Variants in SUCLG2 observed in about 807,000 individuals in gnomAD.
The protein encoded by SUCLG2 is succinate--CoA ligase [GDP-forming] subunit beta, mitochondrial.
A neutral mutation model predicts 47.9 loss-of-function variants in SUCLG2; 42 were observed. The observed-to-expected ratio is 0.88, with a 90% CI of 0.69 to 1.14. The LOEUF is 1.14. SUCLG2 is among the 50% of genes most tolerant of loss of function. The pLI is 0.00. For synonymous variants in SUCLG2, 195 were observed against 197.3 expected (o/e 0.99, Z 0.10); for missense variants, 571 against 525.9 (o/e 1.09, Z -0.84).
At position 67,586,951 on chromosome 3, in the gene SUCLG2, A is replaced by C. The variant is rs188940242; in HGVS notation, c.226+22504T>G. Reference sequence around the variant, plus strand: ...GACTATCCTCCTCCTGCTCCTCCTCATCATCATCATCACTATCAGACAGCC... The same window carrying C: ...GACTATCCTCCTCCTGCTCCTCCTCCTCATCATCATCACTATCAGACAGCC... On this transcript the variant is annotated intron_variant, in intron 2 of 10. Coordinates refer to ENST00000307227, the MANE Select transcript of SUCLG2 (RefSeq NM_003848.4). Among the ~76,000 whole-genome samples, 627 of 152,182 alleles carry C rather than the reference A, an allele frequency of 4.1e-3. 2 individuals are homozygous for C. Among genetic ancestry groups the C allele is most frequent in the African/African-American group, 0.014 (572 of 41,530 alleles).
intron 9 of SUCLG2, among the ~76,000 whole-genome samples, chr3:67,411,039 T>A (rs187020927): frequency 8.5e-5 from 13 of 152,234 alleles, no homozygotes; most frequent in Non-Finnish European, 1.6e-4. Flanking sequence ...TGTTGGAGAG[T>A]TAATATAGAG....
chr3:67,517,888 T>G (rs1705988255), intron 6 of SUCLG2, among the ~76,000 whole-genome samples: 1 of 152,190 alleles, frequency 6.6e-6, no homozygotes, highest in Non-Finnish European at 1.5e-5. Flanking sequence ...TTGTCATCAT[T>G]CCCATTTTAT....
chr3:67,565,751 G>C (rs1211299323), intron 2 of SUCLG2, among the ~76,000 whole-genome samples: 1 of 152,122 alleles, frequency 6.6e-6, no homozygotes, highest in African/African-American at 2.4e-5. Context: ...CATTCACAAC[G>C]TATCCCTAGC....
chr3:67,592,897 C>T (rs1708203228), intron 2 of SUCLG2, among the ~76,000 whole-genome samples: 1 of 152,106 alleles, frequency 6.6e-6, no homozygotes, highest in Non-Finnish European at 1.5e-5. Flanking sequence ...TGGGTTAGGC[C>T]TTGACAAATC....
chr3:67,560,378 T>A (rs1707277182), intron 2 of SUCLG2, among the ~76,000 whole-genome samples: 1 of 152,196 alleles, frequency 6.6e-6, no homozygotes, highest in African/African-American at 2.4e-5. Flanking sequence ...CAATTTCTGT[T>A]GTTCAGGTCA....
chr3:67,446,568 T>C (rs1460017868), intron 9 of SUCLG2, among the ~76,000 whole-genome samples: 1 of 151,268 alleles, frequency 6.6e-6, no homozygotes, highest in Non-Finnish European at 1.5e-5. Flanking sequence ...TAGCTGGGAC[T>C]ACAGGCGCCT....
chr3:67,452,679 T>G (rs1319038375), intron 9 of SUCLG2, among the ~76,000 whole-genome samples: 3 of 152,164 alleles, frequency 2.0e-5, no homozygotes, highest in Non-Finnish European at 4.4e-5. Flanking sequence ...CTCTCAAATA[T>G]TTATTGAGCA....
rs1703632684 is a variant in SUCLG2, at chr3:67,436,698, T to C, written c.1063-35847A>G. ...CAAGTGTTAGGTAAAAATTTACCAG[T>C]ATTTTTGTATAAACATCTCATTTAG... On this transcript the variant is annotated intron_variant, in intron 9 of 10. Coordinates refer to ENST00000307227, the MANE Select transcript of SUCLG2 (RefSeq NM_003848.4). Among the ~76,000 whole-genome samples, 6 of 152,328 alleles carry C rather than the reference T, an allele frequency of 3.9e-5. No individual in the cohort carries two copies. In the South Asian group the frequency reaches 1.0e-3, roughly 26 times the overall value.
rs189332110 is a variant in SUCLG2, at chr3:67,393,327, G to A, written c.1183+7404C>T. Reference sequence around the variant, plus strand: ...CGGGTCACTCCCACCCGAATACTGCGCTTTTCCGACGGGCTTAAAAAACGG... The same window carrying A: ...CGGGTCACTCCCACCCGAATACTGCACTTTTCCGACGGGCTTAAAAAACGG... On this transcript the variant is annotated intron_variant, in intron 10 of 10. Coordinates refer to ENST00000307227, the MANE Select transcript of SUCLG2 (RefSeq NM_003848.4). 8.5e-3 allele frequency among the ~76,000 whole-genome samples: 1,268 copies of A among 148,502 alleles called. 16 individuals are homozygous for A. The highest frequency in any genetic ancestry group is 0.03 in the African/African-American group (1,204 of 40,648).
At chr3:67,364,575 A>G (rs1701851426) in intron 10 of SUCLG2, among the ~76,000 whole-genome samples, 1 of 152,184 alleles carries the variant, frequency 6.6e-6, no homozygotes, top group Middle Eastern at 3.4e-3. Flanking sequence ...GTGCCCACCC[A>G]CCCAGGAGTG....
chr3:67,546,033 C>T lies in SUCLG2; in HGVS notation c.227-16847G>A, dbSNP rs370208175. Among the ~76,000 whole-genome samples, 18 of 152,224 alleles carry T rather than the reference C, an allele frequency of 1.2e-4. 1 individual carries two copies. In the East Asian group the frequency reaches 2.5e-3, roughly 21 times the overall value. On this transcript the variant is annotated intron_variant, in intron 2 of 10. Transcript: ENST00000307227. The stretch of plus-strand genomic sequence containing the variant: ...CTACTTTCTTGGACTGTTTTCAAAA[C>T]GACATTTCTGATTATATGTGAGCAT...
At chr3:67,397,265 T>G (rs1478605771) in intron 10 of SUCLG2, among the ~76,000 whole-genome samples, 1 of 152,216 alleles carries the variant, frequency 6.6e-6, no homozygotes, top group Non-Finnish European at 1.5e-5. Context: ...ACTGTATATC[T>G]AGAAAACCCC....
At chr3:67,393,248 A>T (rs1349854539) in intron 10 of SUCLG2, among the ~76,000 whole-genome samples, 1 of 152,278 alleles carries the variant, frequency 6.6e-6, no homozygotes, top group Non-Finnish European at 1.5e-5. Flanking sequence ...GCAAGGGGTC[A>T]GGGAGTTCCC....
chr3:67,378,624 G>C (rs1402673366), intron 10 of SUCLG2, among the ~76,000 whole-genome samples: 1 of 152,208 alleles, frequency 6.6e-6, no homozygotes, highest in South Asian at 2.1e-4. Flanking sequence ...CCCTGAGTGA[G>C]AGGATCCACC....
At chr3:67,413,391 T>C (rs1413348117) in intron 9 of SUCLG2, among the ~76,000 whole-genome samples, 1 of 152,208 alleles carries the variant, frequency 6.6e-6, no homozygotes, top group Non-Finnish European at 1.5e-5. Flanking sequence ...GGTCTTCCAG[T>C]CTGTCTAAAG....
At chr3:67,525,398 ACT>A (rs1294127243) in intron 4 of SUCLG2, among the ~76,000 whole-genome samples, 1 of 152,218 alleles carries the variant, frequency 6.6e-6, no homozygotes, top group African/African-American at 2.4e-5. Flanking sequence ...AGTAATTAAG[ACT>A]CTGTGATATT....
intron 6 of SUCLG2, among the ~76,000 whole-genome samples, chr3:67,511,745 G>T (rs553330499): frequency 6.6e-6 from 1 of 152,148 alleles, no homozygotes; most frequent in African/African-American, 2.4e-5. Flanking sequence ...ATTATTCTAT[G>T]AGTTTAAGAG....
chr3:67,540,774 G>C (rs932482239), intron 2 of SUCLG2, among the ~76,000 whole-genome samples: 1 of 152,156 alleles, frequency 6.6e-6, no homozygotes, highest in Admixed American at 6.5e-5. Flanking sequence ...AGCAGGGGTC[G>C]ACAGACACCT....
At chr3:67,452,950 T>G (rs1179685361) in intron 9 of SUCLG2, among the ~76,000 whole-genome samples, 2 of 152,198 alleles carry the variant, frequency 1.3e-5, no homozygotes, top group African/African-American at 2.4e-5. Flanking sequence ...AAGGAGCCTC[T>G]GGTATTATTT....
Sources: gnomAD v4.1 joint callset for allele counts (sites outside exome capture counted in the v4.1 genomes callset) on GRCh38, gnomAD v4.1.1 for gene constraint, MANE v1.5 for transcripts, NCBI Gene and HGNC (gene_info 2026-07-23, HGNC 2026-07-21) for gene names.